Variants in SMYD3 observed in about 807,000 individuals in gnomAD.
The protein encoded by SMYD3 is histone-lysine N-methyltransferase SMYD3.
In SMYD3, 36 loss-of-function variants were observed where a neutral mutation model predicts 57.7. The ratio of observed to expected loss-of-function variants is 0.62; its 90% confidence interval spans 0.48 to 0.82. SMYD3 has a LOEUF of 0.82. Among genes scored for constraint, SMYD3 ranks in the 40% least tolerant of loss-of-function variants. The probability of loss-of-function intolerance (pLI) is 0.00; values close to 1 mark genes in which losing one functional copy is unlikely to be tolerated. For missense variants in SMYD3, 515 were observed against 538.8 expected (o/e 0.96, Z 0.44); for synonymous variants, 211 against 195.0 (o/e 1.08, Z -0.68).
chr1:246,295,146 G>A (rs1320384693), intron 5 of SMYD3, among the ~76,000 whole-genome samples: 1 of 152,042 alleles, frequency 6.6e-6, no homozygotes, highest in Non-Finnish European at 1.5e-5. Context: ...AATTCTATTA[G>A]TATTCTAATA....
At chr1:246,065,946 A>T (rs1468472970) in intron 5 of SMYD3, among the ~76,000 whole-genome samples, 2 of 151,976 alleles carry the variant, frequency 1.3e-5, no homozygotes, top group African/African-American at 4.8e-5. Flanking sequence ...TTTTCATTTC[A>T]TTTTTTTCTC....
chr1:245,857,294 T>C (rs1215269223), intron 10 of SMYD3, among the ~76,000 whole-genome samples: 1 of 152,206 alleles, frequency 6.6e-6, no homozygotes, highest in Non-Finnish European at 1.5e-5. Flanking sequence ...CCTTGTGGAC[T>C]GCACCAAGCT....
intron 5 of SMYD3, among the ~76,000 whole-genome samples, chr1:246,284,963 CTTTTT>C (rs35254468): frequency 1.4e-5 from 2 of 145,966 alleles, no homozygotes; most frequent in African/African-American, 5.0e-5. Flanking sequence ...ACTGCCTTTC[CTTTTT>C]TTTTTTTATT....
chr1:246,481,621 T>TATATATATATATATATATATATATAC (rs1307881494), intron 1 of SMYD3, among the ~76,000 whole-genome samples: 11 of 98,558 alleles, frequency 1.1e-4, no homozygotes, highest in South Asian at 3.1e-4. Context: ...CATACATATA[T>TATATATATATATATATATATATATAC]ACATACATAC....
intron 5 of SMYD3, among the ~76,000 whole-genome samples, chr1:246,265,231 G>A (rs2064082563): frequency 1.3e-5 from 2 of 152,102 alleles, no homozygotes; most frequent in South Asian, 4.1e-4. Context: ...AAACACCTGG[G>A]CTCAAGTGAT....
chr1:245,981,186 C>T (rs1417836607), intron 5 of SMYD3, among the ~76,000 whole-genome samples: 10 of 152,204 alleles, frequency 6.6e-5, no homozygotes. Flanking sequence ...AAAGAATAAA[C>T]ATGAGGCCAA....
intron 7 of SMYD3, among the ~76,000 whole-genome samples, chr1:245,920,174 G>A (rs561745487): frequency 1.6e-4 from 25 of 152,172 alleles, no homozygotes; most frequent in African/African-American, 2.6e-4. Flanking sequence ...TTAGCCAGGC[G>A]TGGTGGCGGG....
intron 2 of SMYD3, among the ~76,000 whole-genome samples, chr1:246,346,112 A>G (rs1466202825): frequency 2.6e-5 from 4 of 152,066 alleles, no homozygotes; most frequent in South Asian, 2.1e-4. Context: ...GTAACACCCC[A>G]TCTCTACTAA....
At chr1:246,361,353 T>C (rs530779899) in intron 1 of SMYD3, among the ~76,000 whole-genome samples, 1 of 152,320 alleles carries the variant, frequency 6.6e-6, no homozygotes, top group East Asian at 1.9e-4. Context: ...TTGGTGGGAA[T>C]GTAAACCAGT....
intron 5 of SMYD3, among the ~76,000 whole-genome samples, chr1:246,066,619 T>C (rs940508086): frequency 6.6e-6 from 1 of 152,210 alleles, no homozygotes; most frequent in African/African-American, 2.4e-5. Flanking sequence ...ACTCGAAATG[T>C]AGAAGCAAAT....
intron 10 of SMYD3, among the ~76,000 whole-genome samples, chr1:245,802,358 C>T (rs539559614): frequency 1.5e-4 from 23 of 152,154 alleles, no homozygotes; most frequent in African/African-American, 4.1e-4. Flanking sequence ...GAGAGCCAAA[C>T]GCTGACCTCC....
intron 5 of SMYD3, among the ~76,000 whole-genome samples, chr1:246,292,391 C>T (rs1187716414): frequency 3.3e-5 from 5 of 150,854 alleles, no homozygotes; most frequent in Non-Finnish European, 7.4e-5. Context: ...TACTATCCTA[C>T]ACACCAGCAT....
intron 5 of SMYD3, among the ~76,000 whole-genome samples, chr1:246,149,512 A>G (rs1383799783): frequency 6.6e-6 from 1 of 152,194 alleles, no homozygotes; most frequent in Admixed American, 6.5e-5. Context: ...CAAAAGGAAA[A>G]TTTTAACTAC....
At chr1:245,858,139 T>A (rs1053919917) in intron 10 of SMYD3, among the ~76,000 whole-genome samples, 5 of 152,158 alleles carry the variant, frequency 3.3e-5, no homozygotes, top group Admixed American at 3.3e-4. Flanking sequence ...ACACAGCCTC[T>A]CAAGCTAGGT....
intron 10 of SMYD3, among the ~76,000 whole-genome samples, chr1:245,771,627 T>C (rs2046341813): frequency 6.6e-6 from 1 of 152,214 alleles, no homozygotes; most frequent in Non-Finnish European, 1.5e-5. Context: ...TTAAAAGGCT[T>C]CGCTTTAGGT....
chr1:245,764,966 C>T (rs1396483839), intron 10 of SMYD3, among the ~76,000 whole-genome samples: 2 of 151,440 alleles, frequency 1.3e-5, no homozygotes, highest in Non-Finnish European at 2.9e-5. Context: ...CCTCTTCTGG[C>T]CCCAATACCC....
At chr1:246,250,518 C>G (rs1334903197) in intron 5 of SMYD3, among the ~76,000 whole-genome samples, 2 of 152,120 alleles carry the variant, frequency 1.3e-5, no homozygotes, top group Non-Finnish European at 2.9e-5. Context: ...AGCACCTTGA[C>G]CACTACAAAA....
intron 10 of SMYD3, among the ~76,000 whole-genome samples, chr1:245,812,094 G>C (rs1025787666): frequency 6.6e-6 from 1 of 152,100 alleles, no homozygotes; most frequent in Non-Finnish European, 1.5e-5. Flanking sequence ...CTTGAGATTG[G>C]CATGATCTCC....
intron 5 of SMYD3, among the ~76,000 whole-genome samples, chr1:245,940,969 A>AT (rs2057219223): frequency 6.6e-6 from 1 of 152,234 alleles, no homozygotes; most frequent in Non-Finnish European, 1.5e-5. Context: ...AGAGAGGAAC[A>AT]TAAATGACCT....
Sources: gnomAD v4.1 joint callset for allele counts (sites outside exome capture counted in the v4.1 genomes callset) on GRCh38, gnomAD v4.1.1 for gene constraint, MANE v1.5 for transcripts, NCBI Gene and HGNC (gene_info 2026-07-23, HGNC 2026-07-21) for gene names.